The following ITGA1 variants were observed in gnomAD, a reference collection of about 807,000 sequenced individuals.
ITGA1 encodes integrin alpha-1.
In ITGA1, 85 loss-of-function variants were observed where a neutral mutation model predicts 145.9. That is an observed-to-expected ratio of 0.58 (90% CI 0.49 to 0.70). The LOEUF is 0.70. Ranked by LOEUF, ITGA1 falls within the 30% of genes least tolerant of loss-of-function variation. ITGA1 has a pLI of 0.00. For synonymous variants in ITGA1, 520 were observed against 495.3 expected (o/e 1.05, Z -0.66); for missense variants, 1,351 against 1,418.7 (o/e 0.95, Z 0.77).
chr5:52,906,054 G>C (rs1750399110), intron 12 of ITGA1, 146 bp downstream of exon 12: 2 of 636,734 alleles, frequency 3.1e-6, no homozygotes, highest in Non-Finnish European at 5.3e-6. Flanking sequence ...TCTTTGGAAG[G>C]ATGTATAGTG....
chr5:52,829,774 TCA>T (rs1749030314), intron 1 of ITGA1, among the ~76,000 whole-genome samples: 1 of 152,208 alleles, frequency 6.6e-6, no homozygotes, highest in Non-Finnish European at 1.5e-5. Flanking sequence ...TTGTGTGTGT[TCA>T]CACTGTTACC....
At chr5:52,843,690 T>C (rs770236327) in intron 1 of ITGA1, among the ~76,000 whole-genome samples, 1 of 152,202 alleles carries the variant, frequency 6.6e-6, no homozygotes, top group Non-Finnish European at 1.5e-5. Flanking sequence ...TGAGGATTGT[T>C]GTGAGCTGGG....
chr5:52,896,929 C>A (rs1490495459), intron 9 of ITGA1, among the ~76,000 whole-genome samples: 1 of 152,090 alleles, frequency 6.6e-6, no homozygotes, highest in Non-Finnish European at 1.5e-5. Context: ...ACTAAAATAC[C>A]TAAACCCTTT....
chr5:52,886,014 G>A (rs569601287), intron 7 of ITGA1, among the ~76,000 whole-genome samples: 1 of 152,250 alleles, frequency 6.6e-6, no homozygotes, highest in South Asian at 2.1e-4. Flanking sequence ...AGATTTAGAG[G>A]GTGGGGAATG....
chr5:52,870,657 G>A (rs1239773907), intron 6 of ITGA1, among the ~76,000 whole-genome samples: 1 of 152,188 alleles, frequency 6.6e-6, no homozygotes, highest in South Asian at 2.1e-4. Flanking sequence ...CACTGCACTG[G>A]AGTCAGCCTG....
chr5:52,800,994 T>C, intron 1 of ITGA1: 2 of 1,614,128 alleles, frequency 1.2e-6, no homozygotes. Flanking sequence ...TACACTTTGA[T>C]GTTGTAAAGT....
intron 14 of ITGA1, among the ~76,000 whole-genome samples, chr5:52,912,550 GTGTATCCACTATAGGTATTATATA>G (rs1750576994): frequency 2.3e-5 from 3 of 129,574 alleles, no homozygotes; most frequent in African/African-American, 8.8e-5. Flanking sequence ...ATTATATATA[GTGTATCCACTATAGGTATTATATA>G]TAGTGTATCC....
At chr5:52,937,289 A>G in intron 23 of ITGA1, 112 bp from the exon 24 acceptor site, 1 of 723,904 alleles carries the variant, frequency 1.4e-6, no homozygotes, top group East Asian at 2.5e-5. Context: ...TTGTTTGGGG[A>G]TTCAAAATAT....
intron 1 of ITGA1, among the ~76,000 whole-genome samples, chr5:52,817,766 G>A (rs533902371): frequency 1.2e-4 from 18 of 152,272 alleles, no homozygotes; most frequent in South Asian, 8.3e-4. Flanking sequence ...AAGATATAAC[G>A]TATTTATAAA....
At chr5:52,826,917 T>G (rs1285058321) in intron 1 of ITGA1, among the ~76,000 whole-genome samples, 1 of 152,178 alleles carries the variant, frequency 6.6e-6, no homozygotes, top group Non-Finnish European at 1.5e-5. Context: ...TGATACAAGA[T>G]TCATTCTGTA....
intron 6 of ITGA1, among the ~76,000 whole-genome samples, chr5:52,872,109 A>T (rs368524139): frequency 1.2e-4 from 18 of 152,240 alleles, no homozygotes; most frequent in African/African-American, 4.1e-4. Flanking sequence ...TCAAAAGTGT[A>T]GCATAGCATT....
At chr5:52,911,033 CTGTAT>C (rs1750510248) in intron 14 of ITGA1, among the ~76,000 whole-genome samples, 1 of 7,078 alleles carries the variant, frequency 1.4e-4, no homozygotes, top group East Asian at 1.5e-3. Context: ...AGTATGTATA[CTGTAT>C]ATACTATATA....
At chr5:52,921,546 A>G (rs1750730250) in intron 17 of ITGA1, among the ~76,000 whole-genome samples, 1 of 152,182 alleles carries the variant, frequency 6.6e-6, no homozygotes, top group Non-Finnish European at 1.5e-5. Flanking sequence ...ACACTTAGGA[A>G]TTAGAATGTG....
At chr5:52,929,269 T>C (rs1462388258) in intron 20 of ITGA1, among the ~76,000 whole-genome samples, 1 of 152,164 alleles carries the variant, frequency 6.6e-6, no homozygotes, top group East Asian at 1.9e-4. Context: ...CATTCTGAGT[T>C]ACAAGGGTAC....
At chr5:52,846,627 C>T (rs1037215802) in intron 1 of ITGA1, among the ~76,000 whole-genome samples, 14 of 152,152 alleles carry the variant, frequency 9.2e-5, no homozygotes, top group African/African-American at 3.4e-4. Flanking sequence ...AAGATGGTAA[C>T]CAGCTGTTCT....
chr5:52,788,258 C>A lies in ITGA1; in HGVS notation c.-96C>A. The A allele has an allele frequency of 1.0e-6, 1 of 954,484 alleles. No individual in the cohort carries two copies. The highest frequency in any genetic ancestry group is 1.4e-6 in the Non-Finnish European group (1 of 690,078). The allele number at this position is 954,484 out of a possible 1,614,324, so 59.1% of individuals were successfully genotyped here. On this transcript the variant is annotated 5_prime_UTR_variant, in exon 1 of 29. Transcript: ENST00000282588. Reference sequence around the variant, plus strand: ...TGGGGCAGAGGACTGGGAACCGCGGCAGCGGGATAAGTGGCCCAGCCAGAG... The same window carrying A: ...TGGGGCAGAGGACTGGGAACCGCGGAAGCGGGATAAGTGGCCCAGCCAGAG...
intron 1 of ITGA1, chr5:52,800,146 G>T (rs556146280): frequency 1.2e-4 from 64 of 534,538 alleles, no homozygotes; most frequent in Non-Finnish European, 1.9e-4. Flanking sequence ...TGTAGGGGTA[G>T]ATTTTCGCTG....
chr5:52,796,581 A>C (rs899443822), intron 1 of ITGA1, among the ~76,000 whole-genome samples: 1 of 152,036 alleles, frequency 6.6e-6, no homozygotes, highest in East Asian at 1.9e-4. Flanking sequence ...ATTAAGTGAA[A>C]TACAGTCAAT....
chr5:52,898,055 T>A (rs1346006043), intron 10 of ITGA1, among the ~76,000 whole-genome samples, 184 bp from the exon 11 acceptor site: 1 of 152,194 alleles, frequency 6.6e-6, no homozygotes, highest in African/African-American at 2.4e-5. Context: ...TGCCTTGATT[T>A]CCTTTTCTGT....
Sources: gnomAD v4.1 joint callset for allele counts (sites outside exome capture counted in the v4.1 genomes callset) on GRCh38, gnomAD v4.1.1 for gene constraint, MANE v1.5 for transcripts, NCBI Gene and HGNC (gene_info 2026-07-23, HGNC 2026-07-21) for gene names.